RAB10: variants seen among roughly 807,000 people sequenced by gnomAD.
The protein encoded by RAB10 is RAB10, member RAS oncogene family, also known as ras-related protein Rab-10.
Under a neutral mutation model 25.7 loss-of-function variants are expected in RAB10, and 5 were observed. That is an observed-to-expected ratio of 0.19 (90% CI 0.10 to 0.41). The LOEUF (loss-of-function observed/expected upper bound fraction) is 0.41. Among genes scored for constraint, RAB10 ranks in the 10% least tolerant of loss-of-function variants. The probability of loss-of-function intolerance (pLI) is 1.00; values close to 1 mark genes in which losing one functional copy is unlikely to be tolerated. For synonymous variants in RAB10, 89 were observed against 86.4 expected, an observed-to-expected ratio of 1.03 and a Z score of -0.16; for missense variants, 103 against 245.8, an observed-to-expected ratio of 0.42 and a Z score of 3.89.
intron 1 of RAB10, among the ~76,000 whole-genome samples, chr2:26,059,209 G>A (rs1193395496): frequency 6.6e-6 from 1 of 152,162 alleles, no homozygotes; most frequent in Non-Finnish European, 1.5e-5. Flanking sequence ...CATTACAGTG[G>A]ACTCTTTATT....
chr2:26,121,496 T>C (rs1285733812), intron 3 of RAB10, among the ~76,000 whole-genome samples: 3 of 152,122 alleles, frequency 2.0e-5, no homozygotes, highest in Non-Finnish European at 2.9e-5. Flanking sequence ...ATAAACAGGT[T>C]TTTAAAAACA....
chr2:26,087,341 T>C (rs1188723920), intron 1 of RAB10, among the ~76,000 whole-genome samples: 4 of 152,242 alleles, frequency 2.6e-5, no homozygotes, highest in Non-Finnish European at 5.9e-5. Flanking sequence ...TGCTTAGCAC[T>C]CTTAGTAATT....
At chr2:26,090,048 CT>C (rs1667070786) in intron 1 of RAB10, among the ~76,000 whole-genome samples, 1 of 152,150 alleles carries the variant, frequency 6.6e-6, no homozygotes, top group Non-Finnish European at 1.5e-5. Context: ...AAAATCCCCC[CT>C]GGAACTTTTC....
intron 1 of RAB10, among the ~76,000 whole-genome samples, chr2:26,040,705 T>C (rs1269782624): frequency 6.6e-6 from 1 of 152,126 alleles, no homozygotes; most frequent in Non-Finnish European, 1.5e-5. Context: ...GAAGTAGTTA[T>C]CTTGCAGGTG....
At chr2:26,123,556 A>T (rs368661163) in intron 3 of RAB10, among the ~76,000 whole-genome samples, 2 of 152,342 alleles carry the variant, frequency 1.3e-5, no homozygotes, top group South Asian at 4.1e-4. Flanking sequence ...TATGAAAGAG[A>T]CTGTGGATAA....
At chr2:26,113,743 T>TAAAAAAAA (rs56063928) in intron 3 of RAB10, among the ~76,000 whole-genome samples, 7 of 125,604 alleles carry the variant, frequency 5.6e-5, no homozygotes, top group Non-Finnish European at 1.0e-4. Flanking sequence ...CAGCCAGAGC[T>TAAAAAAAA]AAAAAAAAAA....
At chr2:26,109,489 C>A (rs893787883) in intron 2 of RAB10, among the ~76,000 whole-genome samples, 1 of 152,092 alleles carries the variant, frequency 6.6e-6, no homozygotes, top group African/African-American at 2.4e-5. Flanking sequence ...AAAAATCCTA[C>A]CTGCTTTTGT....
chr2:26,121,993 C>T (rs935499969), intron 3 of RAB10, among the ~76,000 whole-genome samples: 3 of 152,136 alleles, frequency 2.0e-5, no homozygotes, highest in East Asian at 1.9e-4. Flanking sequence ...GTGTTTTCAT[C>T]GTGTCTAGTG....
chr2:26,052,113 T>TA (rs1421247601), intron 1 of RAB10, among the ~76,000 whole-genome samples: 1 of 150,858 alleles, frequency 6.6e-6, no homozygotes, highest in Non-Finnish European at 1.5e-5. Flanking sequence ...CGTGGTGACT[T>TA]ATGCCTGTAA....
intron 1 of RAB10, among the ~76,000 whole-genome samples, chr2:26,038,619 G>A (rs1447659867): frequency 6.6e-6 from 1 of 152,176 alleles, no homozygotes; most frequent in Admixed American, 6.5e-5. Context: ...TTAGCTCTGT[G>A]CACAGGTTTA....
chr2:26,107,316 G>GA lies in RAB10; in HGVS notation c.189-2443dup, dbSNP rs539789397. ...AACACTAAACACATGATCTGTAAAA[G>GA]AAAAAAAAATCAGTAAATTAATTAG... is the stretch of plus-strand genomic sequence containing the variant. On this transcript the variant is annotated intron_variant, in intron 2 of 5. Transcript: ENST00000264710. Among the ~76,000 whole-genome samples the GA allele has an allele frequency of 3.0e-3, 434 of 142,784 alleles. 3 individuals carry two copies. The highest frequency in any genetic ancestry group is 0.013 in the South Asian group (60 of 4,508). The allele number at this position is 142,784 out of a possible 152,430, so 93.7% of individuals were successfully genotyped here.
intron 3 of RAB10, among the ~76,000 whole-genome samples, chr2:26,120,059 T>C (rs1247331475): frequency 6.6e-6 from 1 of 152,232 alleles, no homozygotes; most frequent in African/African-American, 2.4e-5. Flanking sequence ...TTATACTTCA[T>C]TGATCATTTA....
At chr2:26,131,176 G>A (rs1668006205) in intron 5 of RAB10, among the ~76,000 whole-genome samples, 1 of 151,754 alleles carries the variant, frequency 6.6e-6, no homozygotes, top group Admixed American at 6.6e-5. Flanking sequence ...GACTTGCAGG[G>A]GTGTCCAATC....
chr2:26,071,657 C>T (rs1262234337), intron 1 of RAB10, among the ~76,000 whole-genome samples: 1 of 150,592 alleles, frequency 6.6e-6, no homozygotes, highest in South Asian at 2.1e-4. Context: ...CACTGCAACT[C>T]CAGCCTGGGT....
intron 1 of RAB10, among the ~76,000 whole-genome samples, chr2:26,036,431 C>G (rs1011242402): frequency 3.3e-5 from 5 of 152,038 alleles, no homozygotes; most frequent in Non-Finnish European, 5.9e-5. Flanking sequence ...GAGGCCTTGG[C>G]GGGCGGATCA....
At position 26,135,291 on chromosome 2, in the gene RAB10, T is replaced by C. The variant is rs185327128; in HGVS notation, c.*270T>C. On this transcript the variant is annotated 3_prime_UTR_variant, in exon 6 of 6. Transcript: ENST00000264710. ...GCTCAACTGCATTTCAGTTGTATTA[T>C]AGTCCAGTTCTTATCAACATTAAAA... 1.1e-3 allele frequency: 386 copies of C among 365,162 alleles called. 5 individuals carry two copies. The Admixed American group carries it at 0.015, about 14-fold the overall frequency. 22.6% of individuals were successfully genotyped at this position (365,162 alleles called of 1,614,324 possible).
At position 26,128,209 on chromosome 2, in the gene RAB10, G is replaced by A. The variant is rs369103763; in HGVS notation, c.519+258G>A. 8.1e-4 allele frequency among the ~76,000 whole-genome samples: 123 copies of A among 152,286 alleles called. 5 individuals carry two copies. In the South Asian group the frequency reaches 0.025, roughly 32 times the overall value. ...GGCGTTAGATCCTCCTAAGGAGCAC[G>A]CAACCTAGATCCCTTGCATGTGCAG... is the stretch of plus-strand genomic sequence containing the variant. On this transcript the variant is annotated intron_variant, in intron 5 of 5. Coordinates refer to ENST00000264710, the MANE Select transcript of RAB10 (RefSeq NM_016131.5).
chr2:26,060,285 T>A (rs1002057630), intron 1 of RAB10, among the ~76,000 whole-genome samples: 4 of 151,990 alleles, frequency 2.6e-5, no homozygotes, highest in African/African-American at 9.7e-5. Flanking sequence ...TTTTTGTTTT[T>A]TTGTTTGTTT....
At chr2:26,073,128 T>G (rs1293197691) in intron 1 of RAB10, among the ~76,000 whole-genome samples, 2 of 152,208 alleles carry the variant, frequency 1.3e-5, no homozygotes, top group Non-Finnish European at 2.9e-5. Context: ...GTATTGGTAG[T>G]TAGTGTCCCA....
Sources: allele counts gnomAD v4.1 joint callset (sites outside exome capture counted in the v4.1 genomes callset), GRCh38; gene constraint gnomAD v4.1.1; transcripts MANE v1.5; gene names NCBI Gene and HGNC (gene_info 2026-07-23, HGNC 2026-07-21).